Variants in DPP6 observed in about 807,000 individuals in gnomAD.
The protein encoded by DPP6 is dipeptidyl peptidase like 6.
A neutral mutation model predicts 122.6 loss-of-function variants in DPP6; 69 were observed. The ratio of observed to expected loss-of-function variants is 0.56; its 90% CI spans 0.46 to 0.69. DPP6 has a LOEUF of 0.69. Among genes scored for constraint, DPP6 ranks in the 30% least tolerant of loss-of-function variants. DPP6 has a pLI of 0.00. For missense variants in DPP6, 928 were observed against 1,116.9 expected (o/e 0.83, Z 2.41); for synonymous variants, 418 against 433.1 (o/e 0.97, Z 0.43).
chr7:154,544,043 T>A (rs559624748), intron 4 of DPP6, among the ~76,000 whole-genome samples: 1 of 147,776 alleles, frequency 6.8e-6, no homozygotes, highest in South Asian at 2.1e-4. Context: ...CATTTAAAAT[T>A]CTATGATGAT....
chr7:154,362,695 G>C (rs1050357359), intron 1 of DPP6, among the ~76,000 whole-genome samples: 2 of 151,918 alleles, frequency 1.3e-5, no homozygotes, highest in East Asian at 3.9e-4. Flanking sequence ...AAAGTGCTGA[G>C]ATTATAGGTA....
rs1157774913 is a variant in DPP6, at chr7:154,618,871, C to T, written c.628-18950C>T. Reference sequence around the variant, plus strand: ...CACACTGATATGGTTTAGCTGTGTCCCCACCCAAATCTCATCTTGAATTGT... The same window carrying T: ...CACACTGATATGGTTTAGCTGTGTCTCCACCCAAATCTCATCTTGAATTGT... On this transcript the variant is annotated intron_variant, in intron 5 of 25. Coordinates refer to ENST00000377770, the MANE Select transcript of DPP6 (RefSeq NM_130797.4). This position sits in a 1 kb window ranked among gnomAD's most constrained non-coding sequence, Gnocchi z 4.1. 6.6e-6 allele frequency among the ~76,000 whole-genome samples: 1 copy of T among 152,080 alleles called. No individual in the cohort carries two copies. The highest frequency in any genetic ancestry group is 2.4e-5 in the African/African-American group (1 of 41,376).
In DPP6 at chr7:154,574,779, ATGTG is replaced by A. The variant is rs1313130628; in HGVS notation, c.627+7874_627+7877del. ...GTGTGTGTATATGTGTGTGGTGCAT[ATGTG>A]TGTGTGTGTGGTGTGTGTTTGTGTG... On this transcript the variant is annotated intron_variant, in intron 5 of 25. Transcript: ENST00000377770. Among the ~76,000 whole-genome samples the A allele has an allele frequency of 3.8e-4, 31 of 81,410 alleles. 1 individual carries two copies. Among genetic ancestry groups the A allele is most frequent in the African/African-American group, 6.4e-4 (11 of 17,138 alleles). The allele number at this position is 81,410 out of a possible 152,430, so 53.4% of individuals were successfully genotyped here.
intron 1 of DPP6, among the ~76,000 whole-genome samples, chr7:154,127,736 C>T (rs1018185525): frequency 6.6e-5 from 10 of 152,046 alleles, no homozygotes; most frequent in African/African-American, 9.7e-5. Context: ...CGTTGCCCAG[C>T]GTTGGCCAGA....
rs1323038607 is a variant in DPP6, at chr7:154,607,543, C to A, written c.628-30278C>A. The stretch of plus-strand genomic sequence containing the variant: ...CGCCACTGCACTCCAGCCTGGGCGA[C>A]AGAGCAAGACTCTGTCTCAAAAAAA... On this transcript the variant is annotated intron_variant, in intron 5 of 25. Transcript: ENST00000377770. 4.7e-5 allele frequency among the ~76,000 whole-genome samples: 3 copies of A among 63,644 alleles called. 1 individual carries two copies. The highest frequency in any genetic ancestry group is 5.7e-5 in the Non-Finnish European group (2 of 34,838). The allele number at this position is 63,644 out of a possible 152,430, so 41.8% of individuals were successfully genotyped here.
chr7:154,397,597 C>G (rs1311855506), intron 1 of DPP6, among the ~76,000 whole-genome samples: 1 of 152,152 alleles, frequency 6.6e-6, no homozygotes, highest in Non-Finnish European at 1.5e-5. Flanking sequence ...AATCATATGC[C>G]TCCACTTCAT....
intron 5 of DPP6, among the ~76,000 whole-genome samples, chr7:154,630,709 T>A (rs925738993): frequency 2.0e-5 from 3 of 152,088 alleles, no homozygotes; most frequent in Non-Finnish European, 4.4e-5. Context: ...CCACATGTTC[T>A]CATTCATAAG....
chr7:154,887,808 T>C (rs1014683492), intron 23 of DPP6, 74 bp downstream of exon 23: 6 of 1,550,386 alleles, frequency 3.9e-6, no homozygotes, highest in Non-Finnish European at 5.3e-6. Context: ...CTGCCCTGGC[T>C]GTATGGCCCA....
Position 154,536,385 on chromosome 7 carries a change from A to C in DPP6, c.458-4147A>C, listed in dbSNP as rs187955823. On this transcript the variant is annotated intron_variant, in intron 3 of 25. Transcript: ENST00000377770. ...GGTTATGTTTTGTGTTATTTTTGTC[A>C]ATGGAAAAATATAAAAACTCATGGA... is the stretch of plus-strand genomic sequence containing the variant. 1.5e-4 allele frequency among the ~76,000 whole-genome samples: 23 copies of C among 152,292 alleles called. No homozygotes were observed. In the East Asian group the frequency reaches 4.4e-3, roughly 29 times the overall value.
In DPP6 at chr7:154,672,236, C is replaced by A. The variant is rs1057222578; in HGVS notation, c.762+2795C>A. 1.2e-4 allele frequency among the ~76,000 whole-genome samples: 19 copies of A among 152,162 alleles called. 1 individual carries two copies. Among genetic ancestry groups the A allele is most frequent in the Admixed American group, 5.2e-4 (8 of 15,272 alleles). ...GATTGTAAGTCTCCTGAGGCCTCCC[C>A]AGCAATGCAGAACTGTGAGTCAATT... On this transcript the variant is annotated intron_variant, in intron 7 of 25. Transcript: ENST00000377770.
At chr7:154,769,311 C>G in intron 8 of DPP6, 106 bp from the exon 9 acceptor site, 2 of 1,462,924 alleles carry the variant, frequency 1.4e-6, no homozygotes, top group Non-Finnish European at 1.9e-6. Flanking sequence ...ATAAGGGGCT[C>G]TGCAGGGACT....
intron 1 of DPP6, among the ~76,000 whole-genome samples, chr7:154,381,590 A>C (rs927839362): frequency 6.6e-6 from 1 of 152,194 alleles, no homozygotes; most frequent in Non-Finnish European, 1.5e-5. Flanking sequence ...GCATTAGTAA[A>C]TCAGTATTTC....
At chr7:154,680,183 T>G (rs991829619) in intron 7 of DPP6, among the ~76,000 whole-genome samples, 1 of 151,946 alleles carries the variant, frequency 6.6e-6, no homozygotes, top group African/African-American at 2.4e-5. Flanking sequence ...AAAATATAAG[T>G]AGGACATCAG....
rs1032860774 is a variant in DPP6 at position 154,821,385 on chromosome 7, C to G, written c.1666+14273C>G. On this transcript the variant is annotated intron_variant, in intron 16 of 25. Coordinates refer to ENST00000377770, the MANE Select transcript of DPP6 (RefSeq NM_130797.4). The surrounding 1 kb of genome is among the most constrained non-coding windows in gnomAD (Gnocchi z 4.2). ...TATCTGCCTTCAGTCCTTTTTGCCA[C>G]TAGATCCAACATGGATAGACAGATA... Among the ~76,000 whole-genome samples the G allele has an allele frequency of 6.6e-6, 1 of 151,864 alleles. No homozygotes were observed. Among genetic ancestry groups the G allele is most frequent in the Non-Finnish European group, 1.5e-5 (1 of 67,998 alleles).
intron 4 of DPP6, among the ~76,000 whole-genome samples, chr7:154,555,705 A>G (rs1241324317): frequency 1.3e-5 from 2 of 152,172 alleles, no homozygotes; most frequent in African/African-American, 4.8e-5. Context: ...GAAATATATT[A>G]TGAAATCAAT....
chr7:154,692,748 A>G (rs951836199), intron 7 of DPP6, among the ~76,000 whole-genome samples: 10 of 149,354 alleles, frequency 6.7e-5, no homozygotes, highest in East Asian at 2.0e-4. Flanking sequence ...TCTCTTTTTC[A>G]TACTTTTATT....
chr7:154,750,508 CTT>C (rs912308076), intron 8 of DPP6, among the ~76,000 whole-genome samples: 54 of 152,324 alleles, frequency 3.5e-4, no homozygotes, highest in African/African-American at 1.3e-3. Flanking sequence ...GCAAAACACT[CTT>C]TTCTCCTCCC....
intron 1 of DPP6, among the ~76,000 whole-genome samples, chr7:153,929,871 A>T (rs759554797): frequency 7.9e-5 from 12 of 152,234 alleles, no homozygotes; most frequent in Non-Finnish European, 1.6e-4. Flanking sequence ...TTCATTTTCC[A>T]TAATTCTAAG....
intron 1 of DPP6, among the ~76,000 whole-genome samples, chr7:153,988,149 CT>C (rs1163984449): frequency 6.6e-6 from 1 of 152,198 alleles, no homozygotes; most frequent in Non-Finnish European, 1.5e-5. Flanking sequence ...TGTCCTCCTT[CT>C]TTTTTTCCCT....
Sources: allele counts gnomAD v4.1 joint callset (sites outside exome capture counted in the v4.1 genomes callset), GRCh38; gene constraint gnomAD v4.1.1; non-coding constraint Gnocchi (gnomAD v3.1); transcripts MANE v1.5; gene names NCBI Gene and HGNC (gene_info 2026-07-23, HGNC 2026-07-21).